The following MCM9 variants were observed in gnomAD, a reference collection of about 807,000 sequenced individuals.
The protein encoded by MCM9 is DNA helicase MCM9.
In MCM9, 55 loss-of-function variants were observed where a neutral mutation model predicts 72.8. That is an observed-to-expected ratio of 0.76 (90% CI 0.61 to 0.95). The LOEUF (loss-of-function observed/expected upper bound fraction) is 0.95, where lower values mean the gene tolerates loss of function less well. Among genes scored for constraint, MCM9 ranks in the 40% least tolerant of loss-of-function variants. MCM9 has a pLI of 0.00. For missense variants in MCM9, 1,279 were observed against 1,377.0 expected (o/e 0.93, Z 1.13); for synonymous variants, 480 against 503.4 (o/e 0.95, Z 0.62).
intron 3 of MCM9, among the ~76,000 whole-genome samples, chr6:118,928,729 G>C (rs1782118883): frequency 6.6e-6 from 1 of 151,330 alleles, no homozygotes; most frequent in South Asian, 2.1e-4. Context: ...GCACATGCCT[G>C]TAGTCCCAGC....
chr6:118,918,524 T>G (rs551723949), intron 5 of MCM9: 1 of 152,344 alleles, frequency 6.6e-6, no homozygotes, highest in East Asian at 1.9e-4. Flanking sequence ...CACTGCCATC[T>G]GTACTTGTTA....
intron 9 of MCM9, among the ~76,000 whole-genome samples, chr6:118,843,764 A>C (rs1410776635): frequency 1.4e-5 from 2 of 145,048 alleles, no homozygotes; most frequent in Non-Finnish European, 3.0e-5. Flanking sequence ...GTAGCCTTGG[A>C]GACCAGTCAG....
intron 13 of MCM9, among the ~76,000 whole-genome samples, chr6:118,817,310 C>T (rs1773473122): frequency 6.6e-6 from 1 of 151,870 alleles, no homozygotes; most frequent in South Asian, 2.1e-4. Flanking sequence ...CCCAAAAGGC[C>T]CCAGTGTGTG....
At chr6:118,913,525 C>T (rs776658659) in intron 6 of MCM9, 105 bp from the exon 7 acceptor site, 7 of 1,378,450 alleles carry the variant, frequency 5.1e-6, no homozygotes, top group Non-Finnish European at 7.0e-6. Context: ...ATATACTCTA[C>T]TATGTGAAGT....
At chr6:118,928,208 C>T (rs1384445446) in intron 3 of MCM9, among the ~76,000 whole-genome samples, 1 of 152,024 alleles carries the variant, frequency 6.6e-6, no homozygotes, top group East Asian at 1.9e-4. Context: ...GTCAAGAGTT[C>T]GAAACCAGGC....
intron 8 of MCM9, among the ~76,000 whole-genome samples, chr6:118,880,785 T>C (rs1778237210): frequency 6.6e-6 from 1 of 152,202 alleles, no homozygotes; most frequent in Non-Finnish European, 1.5e-5. Flanking sequence ...TGAGTACCAA[T>C]TCATTCTCTC....
intron 5 of MCM9, chr6:118,920,529 T>C (rs963709151): frequency 6.6e-6 from 1 of 152,294 alleles, no homozygotes; most frequent in African/African-American, 2.4e-5. Flanking sequence ...TTGGAGGAGA[T>C]GCCTGGTAGG....
At chr6:118,857,825 C>G (rs1163928449) in intron 8 of MCM9, among the ~76,000 whole-genome samples, 1 of 151,988 alleles carries the variant, frequency 6.6e-6, no homozygotes, top group African/African-American at 2.4e-5. Context: ...GAACAGATAA[C>G]TTCCATAATC....
At chr6:118,882,588 A>G (rs770039143) in intron 8 of MCM9, among the ~76,000 whole-genome samples, 3 of 152,230 alleles carry the variant, frequency 2.0e-5, no homozygotes, top group Non-Finnish European at 4.4e-5. Flanking sequence ...ATTGCCAAAA[A>G]GAACAGAGCA....
chr6:118,817,986 T>G (rs1773520261), intron 13 of MCM9, among the ~76,000 whole-genome samples: 1 of 152,214 alleles, frequency 6.6e-6, no homozygotes, highest in African/African-American at 2.4e-5. Context: ...TGGCTTTTTT[T>G]CTTGTATATT....
At chr6:118,871,632 G>C (rs1777597542) in intron 8 of MCM9, among the ~76,000 whole-genome samples, 1 of 152,152 alleles carries the variant, frequency 6.6e-6, no homozygotes, top group African/African-American at 2.4e-5. Flanking sequence ...CAAAAATAAA[G>C]AAGGCCAGGC....
chr6:118,905,949 A>G (rs937408395), intron 8 of MCM9: 1 of 685,550 alleles, frequency 1.5e-6, no homozygotes, highest in South Asian at 2.4e-5. Flanking sequence ...TGAGGTCCTT[A>G]TGCCAACTGG....
chr6:118,911,626 A>G (rs767027479), intron 8 of MCM9, 24 bp downstream of exon 8: 1 of 1,595,992 alleles, frequency 6.3e-7, no homozygotes, highest in Non-Finnish European at 8.5e-7. Flanking sequence ...ATGTTAAATT[A>G]CTTGAAATTG....
chr6:118,818,543 G>C (rs71338866), intron 13 of MCM9, among the ~76,000 whole-genome samples: 2 of 152,156 alleles, frequency 1.3e-5, no homozygotes, highest in East Asian at 3.9e-4. Flanking sequence ...CTGCAGTATA[G>C]TTTGAAGTCA....
chr6:118,834,344 A>T (rs1404943998), intron 9 of MCM9, among the ~76,000 whole-genome samples: 1 of 152,234 alleles, frequency 6.6e-6, no homozygotes, highest in Admixed American at 6.5e-5. Flanking sequence ...TCTTTATAGT[A>T]GAATGATTCA....
intron 4 of MCM9, among the ~76,000 whole-genome samples, chr6:118,922,769 C>T (rs1044128013): frequency 9.2e-5 from 14 of 152,126 alleles, no homozygotes; most frequent in African/African-American, 3.4e-4. Flanking sequence ...TGGTGGCTCA[C>T]ATCTGTAATC....
chr6:118,893,907 G>T, intron 8 of MCM9: 1 of 532,700 alleles, frequency 1.9e-6, no homozygotes, highest in Non-Finnish European at 2.4e-6. Flanking sequence ...GGCGGGCGTC[G>T]GCCGGATCGC....
chr6:118,869,599 C>CAAAAAAAAAAAAAAAAAAAAAAAAAAA, intron 8 of MCM9, among the ~76,000 whole-genome samples: 1 of 58,306 alleles, frequency 1.7e-5, no homozygotes, highest in Admixed American at 2.3e-4. Flanking sequence ...AAAGGATTTA[C>CAAAAAAAAAAAAAAAAAAAAAAAAAAA]AAAAAAAAAA....
chr6:118,868,819 G>A (rs551942990), intron 8 of MCM9, among the ~76,000 whole-genome samples: 2 of 152,344 alleles, frequency 1.3e-5, no homozygotes, highest in East Asian at 3.9e-4. Flanking sequence ...CTGTTTGTGG[G>A]TGTATAAATT....
Sources: gnomAD v4.1 joint callset for allele counts (sites outside exome capture counted in the v4.1 genomes callset) on GRCh38, gnomAD v4.1.1 for gene constraint, MANE v1.5 for transcripts, NCBI Gene and HGNC (gene_info 2026-07-23, HGNC 2026-07-21) for gene names.